WWOX: variants seen among roughly 807,000 people sequenced by gnomAD.
WWOX encodes the protein WW domain containing oxidoreductase, also known as WW domain-containing oxidoreductase.
A neutral mutation model predicts 46.2 loss-of-function variants in WWOX; 69 were observed. That is an observed-to-expected ratio of 1.49 (90% CI 1.23 to 1.82). The LOEUF is 1.82. Ranked by LOEUF, WWOX falls within the 40% of genes most tolerant of loss-of-function variation. The probability of loss-of-function intolerance (pLI) is 0.00; values close to 1 mark genes in which losing one functional copy is unlikely to be tolerated. For synonymous variants in WWOX, 359 were observed against 202.6 expected (o/e 1.77, Z -6.56); for missense variants, 919 against 542.6 (o/e 1.69, Z -6.89).
chr16:78,479,555 A>G (rs1268964274), intron 8 of WWOX, among the ~76,000 whole-genome samples: 2 of 152,192 alleles, frequency 1.3e-5, no homozygotes, highest in Admixed American at 1.3e-4. Flanking sequence ...AGAATAAGAT[A>G]TTTTCATAGT....
intron 5 of WWOX, among the ~76,000 whole-genome samples, chr16:78,331,641 C>A (rs1306517368): frequency 6.6e-6 from 1 of 152,152 alleles, no homozygotes; most frequent in Non-Finnish European, 1.5e-5. Context: ...TTGCTTATTT[C>A]ACTGGGTTCA....
intron 5 of WWOX, among the ~76,000 whole-genome samples, chr16:78,214,507 C>T (rs1160827247): frequency 6.6e-6 from 1 of 152,154 alleles, no homozygotes; most frequent in Non-Finnish European, 1.5e-5. Flanking sequence ...CTGATCTCCT[C>T]CCGAAGTCTC....
chr16:79,163,415 A>G (rs1429131702), intron 8 of WWOX, among the ~76,000 whole-genome samples: 1 of 152,180 alleles, frequency 6.6e-6, no homozygotes, highest in Non-Finnish European at 1.5e-5. Context: ...CTAATTTATG[A>G]AGTTACTCTG....
At chr16:78,586,307 G>C (rs2045206105) in intron 8 of WWOX, among the ~76,000 whole-genome samples, 1 of 152,184 alleles carries the variant, frequency 6.6e-6, no homozygotes, top group African/African-American at 2.4e-5. Context: ...TAAAAAGAAA[G>C]AGGTTTGGTG....
chr16:78,695,316 C>G (rs191913380), intron 8 of WWOX, among the ~76,000 whole-genome samples: 18 of 152,190 alleles, frequency 1.2e-4, no homozygotes, highest in African/African-American at 3.6e-4. Flanking sequence ...CACTTTTTCT[C>G]TCACTCCAAT....
chr16:78,245,345 A>T (rs1305496563), intron 5 of WWOX, among the ~76,000 whole-genome samples: 1 of 152,208 alleles, frequency 6.6e-6, no homozygotes, highest in South Asian at 2.1e-4. Context: ...GGCCACGAAC[A>T]TCTTTGGTTC....
chr16:78,409,205 T>A (rs78588726), intron 6 of WWOX, among the ~76,000 whole-genome samples: 5,491 of 151,750 alleles, frequency 0.036, 327 homozygotes, highest in African/African-American at 0.12. Context: ...TTAAAAAAAA[T>A]TTTTTTTTGT....
chr16:78,141,095 G>T (rs1027110103), intron 4 of WWOX, among the ~76,000 whole-genome samples: 10 of 152,172 alleles, frequency 6.6e-5, no homozygotes, highest in African/African-American at 1.7e-4. Context: ...AGGAACCAAG[G>T]GGGGATTGCC....
intron 8 of WWOX, among the ~76,000 whole-genome samples, chr16:78,866,890 C>T (rs1005563968): frequency 6.6e-6 from 1 of 152,184 alleles, no homozygotes; most frequent in Admixed American, 6.5e-5. Flanking sequence ...CCTGCAGCAT[C>T]AGGGCTGAGG....
At chr16:79,112,438 C>T (rs911088961) in intron 8 of WWOX, among the ~76,000 whole-genome samples, 6 of 152,190 alleles carry the variant, frequency 3.9e-5, no homozygotes, top group African/African-American at 1.4e-4. Flanking sequence ...AATATCCATC[C>T]ATCTGGGGGC....
intron 5 of WWOX, among the ~76,000 whole-genome samples, chr16:78,240,356 A>G (rs1414954595): frequency 6.6e-6 from 1 of 152,000 alleles, no homozygotes; most frequent in Non-Finnish European, 1.5e-5. Context: ...AAAAAGGAGG[A>G]GAGGACACAG....
chr16:78,490,354 C>G (rs868566688), intron 8 of WWOX, among the ~76,000 whole-genome samples: 5 of 152,118 alleles, frequency 3.3e-5, no homozygotes, highest in East Asian at 1.9e-4. Flanking sequence ...TTAAAGGGAC[C>G]TCATGTGTTA....
At chr16:78,698,030 A>C (rs1028631685) in intron 8 of WWOX, among the ~76,000 whole-genome samples, 3 of 152,224 alleles carry the variant, frequency 2.0e-5, no homozygotes, top group Admixed American at 2.0e-4. Flanking sequence ...ATGTGTTTCA[A>C]AGGGCTTATA....
chr16:78,539,546 C>T (rs745999331), intron 8 of WWOX, among the ~76,000 whole-genome samples: 25 of 152,210 alleles, frequency 1.6e-4, no homozygotes, highest in African/African-American at 6.0e-4. Flanking sequence ...AGAAGTAGGA[C>T]TTCAGGTCCA....
intron 8 of WWOX, among the ~76,000 whole-genome samples, chr16:78,610,871 G>C (rs542817851): frequency 6.6e-6 from 1 of 152,024 alleles, no homozygotes. Flanking sequence ...GTAGAACAAC[G>C]TATTCTTGCA....
At chr16:78,230,063 G>A (rs7192985) in intron 5 of WWOX, among the ~76,000 whole-genome samples, 128,219 of 151,928 alleles carry the variant, frequency 0.84, 54,626 homozygotes, top group African/African-American at 0.96. Flanking sequence ...TATTTTTTGT[G>A]GAGATGGGGT....
intron 8 of WWOX, among the ~76,000 whole-genome samples, chr16:79,147,156 G>A (rs1256225741): frequency 6.6e-6 from 1 of 152,130 alleles, no homozygotes; most frequent in East Asian, 1.9e-4. Flanking sequence ...CATCAAATGT[G>A]TAGCTTCCTT....
chr16:78,472,622 A>G (rs2151436354), intron 8 of WWOX, among the ~76,000 whole-genome samples: 1 of 152,138 alleles, frequency 6.6e-6, no homozygotes, highest in Admixed American at 6.5e-5. Flanking sequence ...CAGCCTGACC[A>G]ACATGTTGAA....
intron 8 of WWOX, among the ~76,000 whole-genome samples, chr16:78,971,433 T>TAACA: frequency 1.8e-5 from 1 of 55,418 alleles, no homozygotes; most frequent in East Asian, 3.7e-4. Context: ...CCAGTCTGGG[T>TAACA]GACAGACTCT....
Sources: allele counts gnomAD v4.1 joint callset (sites outside exome capture counted in the v4.1 genomes callset), GRCh38; gene constraint gnomAD v4.1.1; transcripts MANE v1.5; gene names NCBI Gene and HGNC (gene_info 2026-07-23, HGNC 2026-07-21).